Variants in VRK1 observed in about 807,000 individuals in gnomAD.
VRK1 encodes VRK serine/threonine kinase 1, also known as serine/threonine-protein kinase VRK1.
In VRK1, 33 loss-of-function variants were observed where a neutral mutation model predicts 57.1. That is an observed-to-expected ratio of 0.58 (90% CI 0.44 to 0.77). VRK1 has a LOEUF of 0.77. VRK1 is among the 30% of genes least tolerant of loss of function. The pLI is 0.00. For synonymous variants in VRK1, 137 were observed against 147.8 expected (o/e 0.93, Z 0.53); for missense variants, 413 against 477.3 (o/e 0.87, Z 1.25).
rs116037247 is a variant in VRK1, at chr14:96,833,055, A to G, written c.-5-412A>G. On this transcript the variant is annotated intron_variant, in intron 1 of 12. Coordinates refer to ENST00000216639, the MANE Select transcript of VRK1 (RefSeq NM_003384.3). ...TGTGCTCAGTTGCCTTATGTTTTCA[A>G]TCTCTGCACTGTGTTCTATCATATC... Among the ~76,000 whole-genome samples the G allele has an allele frequency of 6.0e-3, 914 of 152,240 alleles. 11 individuals carry two copies. Among genetic ancestry groups the G allele is most frequent in the African/African-American group, 0.02 (845 of 41,550 alleles).
intron 1 of VRK1, among the ~76,000 whole-genome samples, chr14:96,814,693 T>C (rs910381250): frequency 1.3e-5 from 2 of 152,132 alleles, no homozygotes; most frequent in African/African-American, 4.8e-5. Flanking sequence ...GTCATACATA[T>C]TCAAGCATAT....
intron 1 of VRK1, among the ~76,000 whole-genome samples, chr14:96,799,085 T>G (rs992906382): frequency 1.3e-5 from 2 of 152,196 alleles, no homozygotes; most frequent in East Asian, 3.8e-4. Flanking sequence ...AATGTCTTCT[T>G]GTTATGTTCA....
At chr14:96,808,019 G>GTCTCTCTCTCTCCC (rs1566683621) in intron 1 of VRK1, among the ~76,000 whole-genome samples, 1,558 of 34,032 alleles carry the variant, frequency 0.046, 66 homozygotes, top group African/African-American at 0.11. Context: ...CTCTCCCTCT[G>GTCTCTCTCTCTCCC]TGTGTGTGTG....
intron 2 of VRK1, among the ~76,000 whole-genome samples, chr14:96,835,056 G>A (rs1028754233): frequency 2.6e-5 from 4 of 152,106 alleles, no homozygotes; most frequent in African/African-American, 9.7e-5. Context: ...ATCAAAAGGT[G>A]CCATCTAATA....
chr14:96,867,137 G>A (rs577616440), intron 11 of VRK1, among the ~76,000 whole-genome samples: 1 of 151,986 alleles, frequency 6.6e-6, no homozygotes, highest in Non-Finnish European at 1.5e-5. Flanking sequence ...TGAGTCTAAC[G>A]TATTTTGTGT....
At chr14:96,800,145 C>G (rs978826861) in intron 1 of VRK1, among the ~76,000 whole-genome samples, 3 of 152,010 alleles carry the variant, frequency 2.0e-5, no homozygotes, top group African/African-American at 7.2e-5. Context: ...TATTTTTACT[C>G]TAGGATAAGT....
At chr14:96,849,078 TGAAGACCCATAGAGGAAA>T (rs1255446765) in intron 5 of VRK1, among the ~76,000 whole-genome samples, 1 of 152,046 alleles carries the variant, frequency 6.6e-6, no homozygotes, top group Non-Finnish European at 1.5e-5. Context: ...TGGCAGATAA[TGAAGACCCATAGAGGAAA>T]GAACAGTTTG....
chr14:96,822,522 T>G (rs966607703), intron 1 of VRK1, among the ~76,000 whole-genome samples: 3 of 152,230 alleles, frequency 2.0e-5, no homozygotes, highest in African/African-American at 7.2e-5. Context: ...TGCAAAACCA[T>G]TCCTATCGTG....
rs144405019 is a variant in VRK1 at position 96,798,594 on chromosome 14, G to A, written c.-6+1147G>A. On this transcript the variant is annotated intron_variant, in intron 1 of 12. Coordinates refer to ENST00000216639, the MANE Select transcript of VRK1 (RefSeq NM_003384.3). ...TTTCTTCTTCTTTTTTTTTAAACTG[G>A]AATTGCCCATCTGTTGAGACTGAAA... Among the ~76,000 whole-genome samples, 1,128 of 151,882 alleles carry A rather than the reference G, an allele frequency of 7.4e-3. 6 individuals carry two copies. The highest frequency in any genetic ancestry group is 0.01 in the Non-Finnish European group (711 of 67,962).
intron 12 of VRK1, among the ~76,000 whole-genome samples, chr14:96,876,417 C>T (rs1889034490): frequency 6.6e-6 from 1 of 152,144 alleles, no homozygotes; most frequent in Non-Finnish European, 1.5e-5. Flanking sequence ...TGCCTGTAGT[C>T]TCAGCTACTC....
At chr14:96,872,366 C>T (rs1353267201) in intron 11 of VRK1, among the ~76,000 whole-genome samples, 1 of 152,038 alleles carries the variant, frequency 6.6e-6, no homozygotes, top group Non-Finnish European at 1.5e-5. Flanking sequence ...TGTATATGTG[C>T]AAAACACTGT....
intron 10 of VRK1, 68 bp downstream of exon 10, chr14:96,856,654 T>A (rs1472253774): frequency 7.5e-7 from 1 of 1,332,166 alleles, no homozygotes; most frequent in Non-Finnish European, 1.1e-6. Context: ...ATGATATCCA[T>A]GGAATAGCCC....
intron 3 of VRK1, among the ~76,000 whole-genome samples, chr14:96,838,240 A>G (rs1238780371): frequency 6.6e-6 from 1 of 151,632 alleles, no homozygotes; most frequent in Admixed American, 6.6e-5. Flanking sequence ...ATTTTCTTCC[A>G]TTTTAGTAAA....
chr14:96,809,838 G>A (rs1398117700), intron 1 of VRK1, among the ~76,000 whole-genome samples: 1 of 152,050 alleles, frequency 6.6e-6, no homozygotes, highest in Non-Finnish European at 1.5e-5. Flanking sequence ...CTCCCTAAGC[G>A]CTGGGGTTAC....
intron 10 of VRK1, among the ~76,000 whole-genome samples, chr14:96,857,222 A>G (rs1457214050): frequency 2.0e-5 from 3 of 152,096 alleles, no homozygotes; most frequent in African/African-American, 7.2e-5. Flanking sequence ...CCCCCTGGTT[A>G]GTACTGTGGA....
rs768749001 is a variant in VRK1, at chr14:96,852,894, CA to C, written c.442del (p.Arg148GlyfsTer10). 1.2e-6 allele frequency: 2 copies of C among 1,613,792 alleles called. No homozygotes were observed. The highest frequency in any genetic ancestry group is 1.7e-6 in the Non-Finnish European group (2 of 1,179,858). On this transcript the variant is annotated frameshift_variant, in exon 6 of 13. Coordinates refer to ENST00000216639, the MANE Select transcript of VRK1 (RefSeq NM_003384.3). LOFTEE classifies it high-confidence loss of function. ...DLQKIYEANA[K>X]RFSRKTVLQL... ...TTCAGAAAATATATGAAGCAAATGC[CA>C]AAAGGTTTTCTCGGAAAACTGTCTT...
At chr14:96,851,115 C>T (rs926999424) in intron 5 of VRK1, among the ~76,000 whole-genome samples, 28 of 151,848 alleles carry the variant, frequency 1.8e-4, no homozygotes, top group African/African-American at 6.5e-4. Context: ...GGAAATCTTA[C>T]ATGAATGAAT....
intron 1 of VRK1, among the ~76,000 whole-genome samples, chr14:96,833,038 G>C (rs1220870364): frequency 6.6e-6 from 1 of 152,126 alleles, no homozygotes; most frequent in East Asian, 1.9e-4. Context: ...CTTGTGCTCA[G>C]TTGCCTTATG....
intron 1 of VRK1, among the ~76,000 whole-genome samples, chr14:96,819,956 C>T (rs893276277): frequency 3.9e-5 from 6 of 152,108 alleles, no homozygotes; most frequent in Non-Finnish European, 8.8e-5. Flanking sequence ...TGCATCTCAT[C>T]GATTTGCTGA....
Sources: allele counts gnomAD v4.1 joint callset (sites outside exome capture counted in the v4.1 genomes callset), GRCh38; gene constraint gnomAD v4.1.1; transcripts MANE v1.5; gene names NCBI Gene and HGNC (gene_info 2026-07-23, HGNC 2026-07-21).